The following SCCPDH variants were observed in gnomAD, a reference collection of about 807,000 sequenced individuals.
The protein encoded by SCCPDH is saccharopine dehydrogenase-like oxidoreductase.
Under a neutral mutation model 51.5 loss-of-function variants are expected in SCCPDH, and 34 were observed. That is an observed-to-expected ratio of 0.66 (90% CI 0.50 to 0.88). SCCPDH has a LOEUF of 0.88. SCCPDH is among the 40% of genes least tolerant of loss of function. SCCPDH has a pLI of 0.00. For synonymous variants in SCCPDH, 187 were observed against 191.3 expected (o/e 0.98, Z 0.19); for missense variants, 464 against 527.1 (o/e 0.88, Z 1.17).
In SCCPDH at chr1:246,758,280, C is replaced by T. The variant is rs770243381; in HGVS notation, c.619C>T (p.Gln207Ter). 1 of 1,608,310 alleles carries T rather than the reference C, an allele frequency of 6.2e-7. No individual in the cohort carries two copies. The highest frequency in any genetic ancestry group is 8.5e-7 in the Non-Finnish European group (1 of 1,176,710). ...GTCAGCAATTTATGGTTTTGGAGAT[C>T]AGAGTAATTTGAGAAAACTAAGAAA... is the stretch of plus-strand genomic sequence containing the variant. ...WKSAIYGFGD[Q>*]SNLRKLRNVS... is the part of the protein sequence containing the mutation. The change falls in exon 6 of 12, where the codon CAG (glutamine) becomes TAG (stop). Residue 207 changes from glutamine to a stop codon, truncating the protein, a stop_gained. Transcript: ENST00000366510. LOFTEE classifies it high-confidence loss of function.
At chr1:246,759,795 G>C (rs559950308) in intron 7 of SCCPDH, among the ~76,000 whole-genome samples, 162 bp from the exon 8 acceptor site, 1 of 152,340 alleles carries the variant, frequency 6.6e-6, no homozygotes, top group East Asian at 1.9e-4. Flanking sequence ...GGCTCCCAAT[G>C]TCTGGTTTCT....
At chr1:246,754,760 C>G (rs563048610) in intron 5 of SCCPDH, among the ~76,000 whole-genome samples, 1 of 152,274 alleles carries the variant, frequency 6.6e-6, no homozygotes, top group East Asian at 1.9e-4. Context: ...CTTTATACTC[C>G]TTTTTATTTC....
intron 5 of SCCPDH, among the ~76,000 whole-genome samples, chr1:246,757,425 C>T (rs1443699511): frequency 1.4e-4 from 21 of 150,682 alleles, no homozygotes; most frequent in Admixed American, 7.3e-4. Context: ...CTCAGCCACT[C>T]GTTTCTCGGT....
chr1:246,748,326 G>A (rs986019108), intron 5 of SCCPDH, among the ~76,000 whole-genome samples: 3 of 152,184 alleles, frequency 2.0e-5, no homozygotes, highest in African/African-American at 4.8e-5. Flanking sequence ...GCCACCCGGA[G>A]AAAGGGTTAT....
At chr1:246,761,224 G>A (rs996673018) in intron 9 of SCCPDH, among the ~76,000 whole-genome samples, 2 of 152,112 alleles carry the variant, frequency 1.3e-5, no homozygotes, top group African/African-American at 2.4e-5. Context: ...GCAGGAATGC[G>A]CCACCACGCC....
chr1:246,744,257 C>G (rs1668722848), intron 5 of SCCPDH, 132 bp downstream of exon 5: 1 of 439,374 alleles, frequency 2.3e-6, no homozygotes, highest in Non-Finnish European at 4.1e-6. Flanking sequence ...TAAAAAGATA[C>G]ATTGCCAAGA....
At chr1:246,761,241 A>C (rs1015230564) in intron 9 of SCCPDH, among the ~76,000 whole-genome samples, 1 of 152,030 alleles carries the variant, frequency 6.6e-6, no homozygotes, top group Non-Finnish European at 1.5e-5. Flanking sequence ...CGCCCGGATA[A>C]TTTTTTTGTA....
In SCCPDH at chr1:246,759,949, T is replaced by A; in HGVS notation, c.814-8T>A. 1 of 1,604,344 alleles carries A rather than the reference T, an allele frequency of 6.2e-7. No homozygotes were observed. The highest frequency in any genetic ancestry group is 8.5e-7 in the Non-Finnish European group (1 of 1,177,370). On this transcript the variant is annotated splice_region_variant and splice_polypyrimidine_tract_variant and intron_variant, in intron 7 of 11. Coordinates refer to ENST00000366510, the MANE Select transcript of SCCPDH (RefSeq NM_016002.3). Reference sequence around the variant, plus strand: ...TAATGTTCTAACTTTGTCTTCTCCATCATCTAGGTTCAGTATGCTGCGTAT... The same window carrying A: ...TAATGTTCTAACTTTGTCTTCTCCAACATCTAGGTTCAGTATGCTGCGTAT...
chr1:246,731,070 AAAG>A (rs1192050609), intron 2 of SCCPDH, among the ~76,000 whole-genome samples: 4 of 152,160 alleles, frequency 2.6e-5, no homozygotes, highest in Admixed American at 6.5e-5. Flanking sequence ...CAAAAAGAAA[AAAG>A]AAGAAGATGA....
At chr1:246,728,287 G>A (rs6689579) in intron 2 of SCCPDH, among the ~76,000 whole-genome samples, 27,274 of 152,152 alleles carry the variant, frequency 0.18, 3,741 homozygotes, top group African/African-American at 0.38. Context: ...CTATTAAATA[G>A]AAGTGTTGTT....
chr1:246,747,842 A>G (rs1201630483), intron 5 of SCCPDH, among the ~76,000 whole-genome samples: 2 of 152,182 alleles, frequency 1.3e-5, no homozygotes, highest in Non-Finnish European at 2.9e-5. Context: ...CAGGTGATAG[A>G]GGCTAGGAGG....
intron 2 of SCCPDH, among the ~76,000 whole-genome samples, chr1:246,729,012 A>G (rs1417579158): frequency 6.6e-6 from 1 of 152,240 alleles, no homozygotes; most frequent in Non-Finnish European, 1.5e-5. Flanking sequence ...ACTTGTTGAC[A>G]GGTTCCGTGG....
intron 3 of SCCPDH, among the ~76,000 whole-genome samples, chr1:246,737,600 C>CT (rs376885249): frequency 1.9e-4 from 28 of 151,046 alleles, no homozygotes; most frequent in Middle Eastern, 3.4e-3. Flanking sequence ...GAACCCCCCC[C>CT]TTTTTTTTTG....
chr1:246,740,421 A>G (rs1668659772), intron 4 of SCCPDH, 120 bp downstream of exon 4: 1 of 770,092 alleles, frequency 1.3e-6, no homozygotes, highest in Non-Finnish European at 2.0e-6. Context: ...AATGGGTAAT[A>G]TTAAACACAT....
intron 9 of SCCPDH, among the ~76,000 whole-genome samples, chr1:246,761,508 T>C (rs1008252838): frequency 2.0e-5 from 3 of 152,190 alleles, no homozygotes; most frequent in African/African-American, 7.2e-5. Context: ...CCAGAACACT[T>C]TTCATCTTGC....
chr1:246,739,465 C>T (rs138126702), intron 3 of SCCPDH, among the ~76,000 whole-genome samples: 19 of 152,138 alleles, frequency 1.2e-4, no homozygotes, highest in African/African-American at 4.3e-4. Context: ...CAAAAGAAGC[C>T]GAAGGAGACG....
chr1:246,729,393 G>A (rs12121187), intron 2 of SCCPDH, among the ~76,000 whole-genome samples: 20,144 of 142,924 alleles, frequency 0.14, 1,686 homozygotes, highest in African/African-American at 0.22. Context: ...CTCCCAGAGC[G>A]GCCATTTTAG....
intron 9 of SCCPDH, 55 bp downstream of exon 9, chr1:246,760,282 G>T: frequency 1.4e-6 from 2 of 1,441,940 alleles, no homozygotes; most frequent in Non-Finnish European, 1.9e-6. Context: ...TGCAATGACG[G>T]TATCATCTAA....
intron 4 of SCCPDH, among the ~76,000 whole-genome samples, chr1:246,742,748 C>T (rs1444074971): frequency 1.3e-5 from 2 of 152,128 alleles, no homozygotes; most frequent in Non-Finnish European, 2.9e-5. Flanking sequence ...AAACCAGGAA[C>T]ATTGTCTCTT....
Sources: gnomAD v4.1 joint callset for allele counts (sites outside exome capture counted in the v4.1 genomes callset) on GRCh38, gnomAD v4.1.1 for gene constraint, MANE v1.5 for transcripts, NCBI Gene and HGNC (gene_info 2026-07-23, HGNC 2026-07-21) for gene names.